Variants in SLC12A5 observed in about 807,000 individuals in gnomAD.
SLC12A5 encodes solute carrier family 12 member 5, also known as K-Cl cotransporter 2.
In SLC12A5, 18 loss-of-function variants were observed where a neutral mutation model predicts 124.0. The observed-to-expected ratio is 0.15, with a 90% confidence interval of 0.10 to 0.22. The LOEUF is 0.22. Ranked by LOEUF, SLC12A5 falls within the 10% of genes least tolerant of loss-of-function variation. The pLI is 1.00. For synonymous variants in SLC12A5, 589 were observed against 568.0 expected, an observed-to-expected ratio of 1.04 and a Z score of -0.53; for missense variants, 867 against 1,478.7, an observed-to-expected ratio of 0.59 and a Z score of 6.78.
chr20:46,037,158 G>C lies in SLC12A5; in HGVS notation c.482-97G>C, dbSNP rs1002530768. 12 of 1,487,844 alleles carry C rather than the reference G, an allele frequency of 8.1e-6. No homozygotes were observed. In the African/African-American group the frequency reaches 1.1e-4, roughly 14 times the overall value. The allele number at this position is 1,487,844 out of a possible 1,614,324, so 92.2% of individuals were successfully genotyped here. ...GCAGCCCATAAGCCTGTGAGGCCTG[G>C]AGCAACCCCCTTCTGCCTCTGTCAC... On this transcript the variant is annotated intron_variant, in intron 5 of 25. Coordinates refer to ENST00000243964, the MANE Select transcript of SLC12A5 (RefSeq NM_020708.5).
rs1236824697 is a variant in SLC12A5, at chr20:46,060,147, C to T, written c.*2542C>T. ...TGCAATAAAAATAATTTTATTATAC[C>T]CTTCATGGCCTGAGATGTGCTGTTT... On this transcript the variant is annotated 3_prime_UTR_variant, in exon 26 of 26. Transcript: ENST00000243964. 1 of 152,234 alleles carries T rather than the reference C, an allele frequency of 6.6e-6. No individual in the cohort carries two copies. Among genetic ancestry groups the T allele is most frequent in the Non-Finnish European group, 1.5e-5 (1 of 67,984 alleles). 9.4% of individuals were successfully genotyped at this position (152,234 alleles called of 1,614,324 possible).
rs555710024 is a variant in SLC12A5, at chr20:46,021,839, G to A, written c.2G>A (p.Ter1=). ...AGAAGCCCTGACCCAGAGTCCCGCC[G>A]GCATTCGGTCGCAGACCCCCGCCAC... On this transcript the variant is annotated coding_sequence_variant, in exon 1 of 3. Transcript: ENST00000413737. 7.2e-6 allele frequency: 11 copies of A among 1,533,508 alleles called. No individual in the cohort carries two copies. The Middle Eastern group carries it at 6.1e-4, about 85-fold the overall frequency. The allele number at this position is 1,533,508 out of a possible 1,614,324, so 95.0% of individuals were successfully genotyped here. A position where few individuals can be genotyped will look rare whatever the true frequency, so the allele number is the denominator to read the frequency against.
intron 1 of SLC12A5, among the ~76,000 whole-genome samples, chr20:46,034,732 A>T (rs900893461): frequency 6.6e-6 from 1 of 152,090 alleles, no homozygotes; most frequent in African/African-American, 2.4e-5. Flanking sequence ...GCAAGGAAGC[A>T]CTCACACATC....
At chr20:46,054,741 C>T (rs781417076) in intron 20 of SLC12A5, among the ~76,000 whole-genome samples, 175 bp from the exon 21 acceptor site, 13 of 152,196 alleles carry the variant, frequency 8.5e-5, no homozygotes, top group Non-Finnish European at 1.5e-4. Flanking sequence ...CTCTCTGCTA[C>T]GTCCTTGCCT....
upstream of SLC12A5, among the ~76,000 whole-genome samples, chr20:46,027,485 C>T (rs2084410044): frequency 6.6e-6 from 1 of 152,172 alleles, no homozygotes; most frequent in Non-Finnish European, 1.5e-5. Context: ...ACCCCGGTCT[C>T]CAGGGATATG....
At chr20:46,024,567 G>A (rs2084380919), upstream of SLC12A5, among the ~76,000 whole-genome samples, 1 of 152,216 alleles carries the variant, frequency 6.6e-6, no homozygotes, top group Admixed American at 6.5e-5. Context: ...ATAGCAGCAT[G>A]TCTAAGACTG....
chr20:46,029,522 C>T, intron 1 of SLC12A5, 126 bp downstream of exon 1: 2 of 1,012,466 alleles, frequency 2.0e-6, no homozygotes, highest in Non-Finnish European at 2.8e-6. Flanking sequence ...GCGGTGGGCG[C>T]CAGTTGCAGC....
chr20:46,035,153 G>T, intron 2 of SLC12A5, 111 bp downstream of exon 2: 1 of 1,170,500 alleles, frequency 8.5e-7, no homozygotes. Context: ...CCCCTCCCTT[G>T]AGTCTACCTT....
chr20:46,045,884 G>C lies in SLC12A5; in HGVS notation c.1576G>C (p.Gly526Arg). 6.2e-7 allele frequency: 1 copy of C among 1,613,806 alleles called. No individual in the cohort carries two copies. The highest frequency in any genetic ancestry group is 8.5e-7 in the Non-Finnish European group (1 of 1,179,746). ...DGIVPFLQVF[G>R]HGKANGEPTW... ...ATGATTGCTCTTTCCCCAGGTCTTT[G>C]GCCATGGCAAGGCCAATGGAGAGCC... is the stretch of plus-strand genomic sequence containing the variant. The change falls in exon 13 of 26, where the codon GGC becomes CGC. Residue 526 changes from glycine to arginine, a missense_variant. This residue lies in a region of SLC12A5 where 152 missense variants were observed against 358.7 expected (regional missense o/e 0.42). Transcript: ENST00000243964. This position sits in a 1 kb window ranked among gnomAD's most constrained non-coding sequence, Gnocchi z 4.9.
chr20:46,056,101 T>A lies in SLC12A5; in HGVS notation c.2788-49T>A. The A allele has an allele frequency of 6.2e-7, 1 of 1,609,774 alleles. No homozygotes were observed. Among genetic ancestry groups the A allele is most frequent in the Non-Finnish European group, 8.5e-7 (1 of 1,177,876 alleles). On this transcript the variant is annotated intron_variant, in intron 21 of 25. Coordinates refer to ENST00000243964, the MANE Select transcript of SLC12A5 (RefSeq NM_020708.5). The surrounding 1 kb of genome is among the most constrained non-coding windows in gnomAD (Gnocchi z 4.3). ...TCTGGTGATAGCTCTTTGCAGGGCA[T>A]GGGTGGTGACTCCCAGCAGAGCTGG...
At chr20:46,051,471 C>A (rs1049738583) in intron 17 of SLC12A5, among the ~76,000 whole-genome samples, 1 of 151,960 alleles carries the variant, frequency 6.6e-6, no homozygotes, top group Admixed American at 6.5e-5. Context: ...TCATGAAGAG[C>A]CTTGATTGAT....
At chr20:46,052,279 C>T (rs1480408491) in intron 18 of SLC12A5, among the ~76,000 whole-genome samples, 5 of 152,234 alleles carry the variant, frequency 3.3e-5, no homozygotes, top group South Asian at 4.1e-4. Flanking sequence ...TAATAACTAA[C>T]GTTTCTAGAA....
In SLC12A5 at chr20:46,053,204, G is replaced by A. The variant is rs2084661298; in HGVS notation, c.2547+78G>A. 1.4e-6 allele frequency: 2 copies of A among 1,473,512 alleles called. No homozygotes were observed. The highest frequency in any genetic ancestry group is 2.4e-5 in the East Asian group (1 of 42,060). 91.3% of individuals were successfully genotyped at this position (1,473,512 alleles called of 1,614,324 possible). ...CATTTGTGTGCATATGTGCACAACT[G>A]CAGGTCAGACTCAGGGGCTCTGGCC... On this transcript the variant is annotated intron_variant, in intron 19 of 25. Transcript: ENST00000243964. This position sits in a 1 kb window ranked among gnomAD's most constrained non-coding sequence, Gnocchi z 4.7.
intron 11 of SLC12A5, chr20:46,044,674 A>C: frequency 2.4e-6 from 1 of 424,094 alleles, no homozygotes. Context: ...TCCTCTCAGA[A>C]TCACTTTCCA....
At chr20:46,025,186 T>C (rs2084386861), upstream of SLC12A5, among the ~76,000 whole-genome samples, 1 of 152,198 alleles carries the variant, frequency 6.6e-6, no homozygotes, top group African/African-American at 2.4e-5. Flanking sequence ...TTTGTGATGA[T>C]TTGGAAGGAT....
chr20:46,038,365 T>C (rs1010207307), intron 6 of SLC12A5: 1 of 152,056 alleles, frequency 6.6e-6, no homozygotes, highest in Non-Finnish European at 1.5e-5. Context: ...TTTTTGTATT[T>C]TTTTGTAGAT....
Position 46,059,853 on chromosome 20 carries a change from A to G in SLC12A5, c.*2248A>G. 2.6e-6 allele frequency: 1 copy of G among 388,640 alleles called. No homozygotes were observed. Among genetic ancestry groups the G allele is most frequent in the South Asian group, 1.4e-4 (1 of 6,902 alleles). 24.1% of individuals were successfully genotyped at this position (388,640 alleles called of 1,614,324 possible). A position where few individuals can be genotyped will look rare whatever the true frequency, so the allele number is the denominator to read the frequency against. ...TTTTAGATGATCTATGTGCAGGGCA[A>G]TGCAATGAAGTTGAAAACCCTTGTA... On this transcript the variant is annotated 3_prime_UTR_variant, in exon 26 of 26. Transcript: ENST00000243964.
At chr20:46,052,428 G>A (rs922971030) in intron 18 of SLC12A5, among the ~76,000 whole-genome samples, 9 of 152,314 alleles carry the variant, frequency 5.9e-5, no homozygotes, top group African/African-American at 1.7e-4. Context: ...AGCTGGGTTC[G>A]GTGGCTCACG....
Position 46,034,823 on chromosome 20 carries a change from AT to A in SLC12A5, c.53-123del. ...ACTGCAACCCTGCAAGGAAGGTGGTATTAGCCCCATTTTCCCAATGCGCGAA... is the reference window on the plus strand; with the variant it reads ...ACTGCAACCCTGCAAGGAAGGTGGTATAGCCCCATTTTCCCAATGCGCGAA... On this transcript the variant is annotated intron_variant, in intron 1 of 25. Transcript: ENST00000243964. 3 of 809,208 alleles carry A rather than the reference AT, an allele frequency of 3.7e-6. No homozygotes were observed. In the South Asian group the frequency reaches 4.5e-5, roughly 12 times the overall value. The allele number at this position is 809,208 out of a possible 1,614,324, so 50.1% of individuals were successfully genotyped here. A position where few individuals can be genotyped will look rare whatever the true frequency, so the allele number is the denominator to read the frequency against.
Sources: allele counts gnomAD v4.1 joint callset (sites outside exome capture counted in the v4.1 genomes callset), GRCh38; gene constraint gnomAD v4.1.1; regional missense constraint gnomAD v4.1.1; non-coding constraint Gnocchi (gnomAD v3.1); transcripts MANE v1.5; gene names NCBI Gene and HGNC (gene_info 2026-07-23, HGNC 2026-07-21).